RPL17: variants seen among roughly 807,000 people sequenced by gnomAD.
RPL17 encodes the protein large ribosomal subunit protein uL22.
A neutral mutation model predicts 27.7 loss-of-function variants in RPL17; 2 were observed. That is an observed-to-expected ratio of 0.07 (90% CI 0.03 to 0.23). The LOEUF (loss-of-function observed/expected upper bound fraction) is 0.23, where lower values mean the gene tolerates loss of function less well. Among genes scored for constraint, RPL17 ranks in the 10% least tolerant of loss-of-function variants. The pLI is 1.00. For synonymous variants in RPL17, 76 were observed against 75.5 expected (o/e 1.01, Z -0.03); for missense variants, 141 against 238.8 (o/e 0.59, Z 2.70).
intron 6 of RPL17, 71 bp downstream of exon 6, chr18:49,489,288 C>G: frequency 6.5e-7 from 1 of 1,537,242 alleles, no homozygotes; most frequent in East Asian, 2.2e-5. Flanking sequence ...CAAAGGTGTC[C>G]TAAGATAGTC....
Position 49,489,393 on chromosome 18 carries a change from G to T in RPL17, c.473C>A (p.Pro158His), listed in dbSNP as rs1473693501. 4 of 1,613,346 alleles carry T rather than the reference G, an allele frequency of 2.5e-6. No individual in the cohort carries two copies. The highest frequency in any genetic ancestry group is 3.4e-6 in the Non-Finnish European group (4 of 1,179,902). The change falls in exon 6 of 7, where the codon CCT (proline) becomes CAT (histidine). Residue 158 changes from proline (P) to histidine (H), a missense_variant. Pro to His is a moderately conservative substitution (Grantham distance 77). Coordinates refer to ENST00000580261, the MANE Select transcript of RPL17 (RefSeq NM_001035006.5). Reference protein sequence around the residue: ...MILTEKEQIVPKPEEEVAQKK... With the variant: ...MILTEKEQIVHKPEEEVAQKK... ...CTGGGCAACCTCCTCTTCTGGTTTAGGAACAATCTGTTCCTTTTCCGTAAG... is the reference window on the plus strand; with the variant it reads ...CTGGGCAACCTCCTCTTCTGGTTTATGAACAATCTGTTCCTTTTCCGTAAG...
In RPL17 at chr18:49,489,340, C is replaced by G; in HGVS notation, c.507+19G>C. The G allele has an allele frequency of 6.2e-7, 1 of 1,613,262 alleles. No homozygotes were observed. The highest frequency in any genetic ancestry group is 8.5e-7 in the Non-Finnish European group (1 of 1,179,458). On this transcript the variant is annotated intron_variant, in intron 6 of 6. Transcript: ENST00000580261. ...ATCTTTCTACTATCACAAACAAAAC[C>G]GAGCAACTACTTATTTACCTTTTTC...
At chr18:49,489,607 A>G (rs1176856440) in intron 5 of RPL17, 57 bp from the exon 6 acceptor site, 8 of 1,545,884 alleles carry the variant, frequency 5.2e-6, no homozygotes, top group Non-Finnish European at 7.0e-6. Context: ...GTAAAACACC[A>G]CAAACTATCA....
chr18:49,491,882 G>A, intron 1 of RPL17: 2 of 504,374 alleles, frequency 4.0e-6, no homozygotes, highest in East Asian at 4.2e-5. Context: ...GATCTTCCAG[G>A]CGTAAAATGA....
intron 1 of RPL17, chr18:49,492,015 G>A (rs184949652): frequency 1.5e-5 from 5 of 342,978 alleles, no homozygotes; most frequent in African/African-American, 1.1e-4. Context: ...AACACCTTCG[G>A]GCTATGACCC....
chr18:49,491,086 T>C (rs2084037211), intron 3 of RPL17, 159 bp from the exon 4 acceptor site: 1 of 1,220,390 alleles, frequency 8.2e-7, no homozygotes, highest in Non-Finnish European at 1.1e-6. Flanking sequence ...CCAGGTAAAC[T>C]TCGTTGAAGC....
intron 3 of RPL17, 140 bp downstream of exon 3, chr18:49,491,265 A>G (rs887077543): frequency 5.4e-6 from 7 of 1,306,706 alleles, no homozygotes; most frequent in Non-Finnish European, 6.7e-6. Context: ...CTGATCATCA[A>G]TGCCTAAATA....
intron 1 of RPL17, 62 bp from the exon 2 acceptor site, chr18:49,491,646 T>C (rs1263077999): frequency 5.1e-6 from 8 of 1,578,438 alleles, no homozygotes; most frequent in Non-Finnish European, 5.2e-6. Flanking sequence ...TCAGTATAAA[T>C]ATCAGATGAT....
At chr18:49,489,320 TCTA>T (rs1165303737) in intron 6 of RPL17, 36 bp downstream of exon 6, 10 of 1,608,832 alleles carry the variant, frequency 6.2e-6, no homozygotes, top group African/African-American at 2.7e-5. Flanking sequence ...CACAAATCTT[TCTA>T]CTATCACAAA....
chr18:49,488,925 G>A (rs576983997), intron 6 of RPL17, among the ~76,000 whole-genome samples: 1 of 149,906 alleles, frequency 6.7e-6, no homozygotes, highest in Non-Finnish European at 1.5e-5. Flanking sequence ...TTGAGACAGC[G>A]TCTCGCTCTG....
In RPL17 at chr18:49,492,175, C is replaced by T. The variant is rs546491669; in HGVS notation, c.-14+283G>A. ...GGAGTCCGCACGGACCCCAGGCGGC[C>T]CGCACCCCACGGCGGGCCGGCGCCC... On this transcript the variant is annotated intron_variant, in intron 1 of 6. Transcript: ENST00000580261. The T allele has an allele frequency of 4.0e-3, 625 of 156,236 alleles. 3 individuals are homozygous for T. Among genetic ancestry groups the T allele is most frequent in the African/African-American group, 0.015 (605 of 41,608 alleles). 9.7% of individuals were successfully genotyped at this position (156,236 alleles called of 1,614,324 possible).
chr18:49,490,331 T>C (rs1172749424), intron 5 of RPL17, 123 bp downstream of exon 5: 9 of 1,047,990 alleles, frequency 8.6e-6, no homozygotes, highest in African/African-American at 3.9e-5. Flanking sequence ...AAACTGCAGG[T>C]AGAAATTTAA....
At chr18:49,491,978 C>T (rs1461042172) in intron 1 of RPL17, 1 of 365,626 alleles carries the variant, frequency 2.7e-6, no homozygotes, top group Non-Finnish European at 5.3e-6. Context: ...GCTGTCAGGG[C>T]TGCAGGTAGT....
In RPL17 at chr18:49,488,509, A is replaced by G. The variant is rs746398786; in HGVS notation, c.*10T>C. 7.7e-6 allele frequency: 11 copies of G among 1,431,650 alleles called. No individual in the cohort carries two copies. The African/African-American group carries it at 1.5e-4, about 20-fold the overall frequency. 88.7% of individuals were successfully genotyped at this position (1,431,650 alleles called of 1,614,324 possible). On this transcript the variant is annotated 3_prime_UTR_variant, in exon 7 of 7. Transcript: ENST00000580261. ...TTTTCCTTTTAATTACATTTATTTT[A>G]ATGCTGAATTTACTCCCGTGCCATA... is the stretch of plus-strand genomic sequence containing the variant.
chr18:49,491,537 G>C lies in RPL17; in HGVS notation c.35C>G (p.Thr12Arg). Residue 12 changes from threonine to arginine, a missense_variant, in exon 2 of 7, where the codon ACG (threonine) becomes AGG (arginine). Physicochemically the swap from Thr to Arg is moderately conservative, Grantham distance 71 (BLOSUM62 -1). Transcript: ENST00000580261. ...VRYSLDPENP[T>R]KSCKSRGSNL... Reference sequence around the variant, plus strand: ...TCTACCTCCTGTCCACTTACATTTCGTGGGGTTCTCCGGGTCAAGTGAATA... The same window carrying C: ...TCTACCTCCTGTCCACTTACATTTCCTGGGGTTCTCCGGGTCAAGTGAATA... 6.2e-7 allele frequency: 1 copy of C among 1,614,174 alleles called. No homozygotes were observed. The highest frequency in any genetic ancestry group is 8.5e-7 in the Non-Finnish European group (1 of 1,180,048).
chr18:49,491,418 C>A lies in RPL17; in HGVS notation c.68G>T (p.Arg23Leu), dbSNP rs1275696602. ...KSCKSRGSNL[R>L]VHFKNTRETA... ...TGAATCGCATACCTTAAAGTGAACA[C>A]GAAGATTGGAACCTCTTGATTTGCA... Residue 23 changes from arginine to leucine, a missense_variant, in exon 3 of 7, where the codon CGT becomes CTT. Coordinates refer to ENST00000580261, the MANE Select transcript of RPL17 (RefSeq NM_001035006.5). The A allele has an allele frequency of 3.7e-6, 6 of 1,614,050 alleles. No individual in the cohort carries two copies. Among genetic ancestry groups the A allele is most frequent in the Non-Finnish European group, 5.1e-6 (6 of 1,180,024 alleles).
intron 3 of RPL17, 21 bp from the exon 4 acceptor site, chr18:49,490,948 G>A (rs773792549): frequency 1.9e-6 from 3 of 1,613,444 alleles, no homozygotes; most frequent in South Asian, 2.2e-5. Flanking sequence ...AGAATAAAGT[G>A]TTGGTTAACT....
chr18:49,490,256 A>G (rs1181128173), intron 5 of RPL17, 198 bp downstream of exon 5: 28 of 576,784 alleles, frequency 4.9e-5, no homozygotes, highest in Non-Finnish European at 7.9e-5. Context: ...ACGCTTCTGG[A>G]TCTTCACAGA....
chr18:49,489,319 T>G (rs541896968), intron 6 of RPL17, 40 bp downstream of exon 6: 103 of 1,608,300 alleles, frequency 6.4e-5, no homozygotes, highest in Admixed American at 8.3e-5. Flanking sequence ...CCACAAATCT[T>G]TCTACTATCA....
Sources: gnomAD v4.1 joint callset for allele counts (sites outside exome capture counted in the v4.1 genomes callset) on GRCh38, gnomAD v4.1.1 for gene constraint, MANE v1.5 for transcripts, NCBI Gene and HGNC (gene_info 2026-07-23, HGNC 2026-07-21) for gene names.